The following MACROH2A1 variants were observed in gnomAD, a reference collection of about 807,000 sequenced individuals.
MACROH2A1 encodes the protein core histone macro-H2A.1.
Under a neutral mutation model 31.6 loss-of-function variants are expected in MACROH2A1, and 2 were observed. The ratio of observed to expected loss-of-function variants is 0.06; its 90% CI spans 0.03 to 0.20. MACROH2A1 has a LOEUF of 0.20. Ranked by LOEUF, MACROH2A1 falls within the 10% of genes least tolerant of loss-of-function variation. The probability of loss-of-function intolerance (pLI) is 1.00; values close to 1 mark genes in which losing one functional copy is unlikely to be tolerated. For missense variants in MACROH2A1, 230 were observed against 474.0 expected (o/e 0.49, Z 4.78); for synonymous variants, 169 against 189.6 (o/e 0.89, Z 0.89).
At chr5:135,363,140 G>A (rs1449034856) in intron 4 of MACROH2A1, among the ~76,000 whole-genome samples, 2 of 151,998 alleles carry the variant, frequency 1.3e-5, no homozygotes, top group African/African-American at 4.8e-5. Context: ...GGGGGGCCAA[G>A]GCAGGAGGAT....
intron 4 of MACROH2A1, among the ~76,000 whole-genome samples, chr5:135,365,753 CTCAG>C (rs1413542571): frequency 6.6e-6 from 1 of 152,206 alleles, no homozygotes; most frequent in Non-Finnish European, 1.5e-5. Flanking sequence ...CACTCTTTGC[CTCAG>C]TAAGTTCACT....
At chr5:135,392,766 C>T (rs1034493827) in intron 1 of MACROH2A1, among the ~76,000 whole-genome samples, 11 of 152,224 alleles carry the variant, frequency 7.2e-5, no homozygotes, top group African/African-American at 2.7e-4. Context: ...CAAAGCCAGA[C>T]TGACCTGATT....
chr5:135,361,132 C>T lies in MACROH2A1; in HGVS notation c.478-525G>A, dbSNP rs142805477. On this transcript the variant is annotated intron_variant, in intron 4 of 8. Transcript: ENST00000511689. ...GACGCATGTGGTGGCTGTGATGAAC[C>T]ATCTGTCTCCCTGCAGACCCCTTGA... 83 of 239,436 alleles carry T rather than the reference C, an allele frequency of 3.5e-4. 1 individual carries two copies. Among genetic ancestry groups the T allele is most frequent in the African/African-American group, 1.8e-3 (77 of 42,802 alleles). The allele number at this position is 239,436 out of a possible 1,614,324, so 14.8% of individuals were successfully genotyped here. A position where few individuals can be genotyped will look rare whatever the true frequency, so the allele number is the denominator to read the frequency against.
intron 2 of MACROH2A1, among the ~76,000 whole-genome samples, chr5:135,387,434 G>A (rs1766569598): frequency 6.6e-6 from 1 of 152,208 alleles, no homozygotes; most frequent in South Asian, 2.1e-4. Context: ...TTGCCTTACT[G>A]AGAGAGCAGG....
chr5:135,337,359 G>GGCCCAT (rs58874397), intron 8 of MACROH2A1, among the ~76,000 whole-genome samples: 43,617 of 151,746 alleles, frequency 0.29, 9,400 homozygotes, highest in African/African-American at 0.61. Context: ...AGTGTAGCCT[G>GGCCCAT]GCCCATGCCC....
At chr5:135,357,709 G>T (rs1475775722) in intron 5 of MACROH2A1, 14 of 983,734 alleles carry the variant, frequency 1.4e-5, no homozygotes, top group Non-Finnish European at 1.6e-5. Context: ...CAAAGCAAAA[G>T]CATTTAGTTG....
At chr5:135,384,441 A>G (rs943278766) in intron 2 of MACROH2A1, among the ~76,000 whole-genome samples, 9 of 151,484 alleles carry the variant, frequency 5.9e-5, no homozygotes, top group African/African-American at 2.2e-4. Context: ...GTCAAGCCCA[A>G]TGGCTGGGCC....
chr5:135,382,287 G>C (rs746086511), intron 2 of MACROH2A1, among the ~76,000 whole-genome samples: 1 of 152,232 alleles, frequency 6.6e-6, no homozygotes, highest in Non-Finnish European at 1.5e-5. Context: ...TGCAGACCCT[G>C]ATGGTAAAAA....
rs780833158 is a variant in MACROH2A1 at position 135,352,017 on chromosome 5, A to G, written c.688+929T>C. Among the ~76,000 whole-genome samples, 80 of 151,754 alleles carry G rather than the reference A, an allele frequency of 5.3e-4. 1 individual carries two copies. Among genetic ancestry groups the G allele is most frequent in the Non-Finnish European group, 1.0e-3 (68 of 67,942 alleles). Reference sequence around the variant, plus strand: ...CCTCATGTTTTCAGCCCACTGTTGCACCCAGTTCGTGTGGGTCAGGCCTGG... The same window carrying G: ...CCTCATGTTTTCAGCCCACTGTTGCGCCCAGTTCGTGTGGGTCAGGCCTGG... On this transcript the variant is annotated intron_variant, in intron 6 of 8. Coordinates refer to ENST00000511689, the MANE Select transcript of MACROH2A1 (RefSeq NM_138610.3).
chr5:135,377,160 G>C (rs1309311725), intron 2 of MACROH2A1, among the ~76,000 whole-genome samples: 2 of 152,214 alleles, frequency 1.3e-5, no homozygotes, highest in East Asian at 1.9e-4. Context: ...AGAGCGTGCA[G>C]AGCCAGTGGC....
chr5:135,370,470 C>T (rs1283555006), intron 2 of MACROH2A1, among the ~76,000 whole-genome samples: 3 of 152,230 alleles, frequency 2.0e-5, no homozygotes, highest in Admixed American at 6.5e-5. Context: ...AGGGTGCTTG[C>T]AGTTAGCACT....
chr5:135,392,748 T>C (rs1001319383), intron 1 of MACROH2A1, among the ~76,000 whole-genome samples: 5 of 152,176 alleles, frequency 3.3e-5, no homozygotes, highest in Non-Finnish European at 5.9e-5. Flanking sequence ...AATTAAAAAC[T>C]AGAAGTCCAA....
At chr5:135,352,214 C>T (rs1386015881) in intron 6 of MACROH2A1, among the ~76,000 whole-genome samples, 1 of 152,220 alleles carries the variant, frequency 6.6e-6, no homozygotes, top group East Asian at 1.9e-4. Context: ...AGCAGAGCAG[C>T]CCTGTCGTGC....
intron 5 of MACROH2A1, chr5:135,355,553 C>T (rs1024371685): frequency 8.4e-6 from 2 of 237,140 alleles, no homozygotes; most frequent in Admixed American, 5.1e-5. Context: ...TTTAAACAAT[C>T]TTGACTAGAA....
chr5:135,385,784 C>G (rs1766322826), intron 2 of MACROH2A1, among the ~76,000 whole-genome samples: 2 of 152,220 alleles, frequency 1.3e-5, no homozygotes, highest in Non-Finnish European at 2.9e-5. Context: ...CCCAAGCAGC[C>G]TGGGCCCTCG....
At chr5:135,354,024 C>T (rs539135050) in intron 5 of MACROH2A1, 1 of 152,346 alleles carries the variant, frequency 6.6e-6, no homozygotes, top group South Asian at 2.1e-4. Flanking sequence ...TGACATTGCT[C>T]ACTCTTCAGT....
At chr5:135,397,514 T>C (rs569282329) in intron 1 of MACROH2A1, among the ~76,000 whole-genome samples, 1 of 152,332 alleles carries the variant, frequency 6.6e-6, no homozygotes, top group Middle Eastern at 3.4e-3. Context: ...GCATTAACAA[T>C]GGTGACAGAT....
intron 6 of MACROH2A1, among the ~76,000 whole-genome samples, chr5:135,350,265 A>T (rs1353847864): frequency 3.9e-5 from 6 of 152,104 alleles, no homozygotes; most frequent in African/African-American, 1.4e-4. Flanking sequence ...GATTGAGGTG[A>T]TTTTCATGTA....
chr5:135,345,955 T>G lies in MACROH2A1; in HGVS notation c.778+13A>C, dbSNP rs1168575572. On this transcript the variant is annotated intron_variant, in intron 7 of 8. Coordinates refer to ENST00000511689, the MANE Select transcript of MACROH2A1 (RefSeq NM_138610.3). ...GTCACAACCAGATAAGCACGGTGGC[T>G]TTCCCACCTCACCTCCAGCTACTTC... is the stretch of plus-strand genomic sequence containing the variant. 2 of 1,580,322 alleles carry G rather than the reference T, an allele frequency of 1.3e-6. No individual in the cohort carries two copies. Among genetic ancestry groups the G allele is most frequent in the Non-Finnish European group, 1.7e-6 (2 of 1,149,354 alleles).
Sources: gnomAD v4.1 joint callset for allele counts (sites outside exome capture counted in the v4.1 genomes callset) on GRCh38, gnomAD v4.1.1 for gene constraint, MANE v1.5 for transcripts, NCBI Gene and HGNC (gene_info 2026-07-23, HGNC 2026-07-21) for gene names.